The following ARHGEF5 variants were observed in gnomAD, a reference collection of about 807,000 sequenced individuals.
ARHGEF5 encodes Rho guanine nucleotide exchange factor 5.
ARHGEF5 carries 11 observed loss-of-function variants against 104.0 expected under a neutral mutation model. The observed-to-expected ratio is 0.11, with a 90% CI of 0.07 to 0.18. The LOEUF is 0.18. ARHGEF5 is among the 10% of genes least tolerant of loss of function. The pLI is 1.00. For missense variants in ARHGEF5, 165 were observed against 1,335.4 expected, an observed-to-expected ratio of 0.12 and a Z score of 13.66; for synonymous variants, 60 against 512.2, an observed-to-expected ratio of 0.12 and a Z score of 11.92.
At chr7:144,361,077 A>C (rs2053634911) in intron 1 of ARHGEF5, among the ~76,000 whole-genome samples, 1 of 143,254 alleles carries the variant, frequency 7.0e-6, no homozygotes, top group Non-Finnish European at 1.6e-5. Flanking sequence ...AAAGTACAAA[A>C]ATTAGCTGGG....
intron 13 of ARHGEF5, 123 bp from the exon 14 acceptor site, chr7:144,378,639 G>T: frequency 1.4e-6 from 1 of 738,566 alleles, no homozygotes; most frequent in South Asian, 1.9e-5. Flanking sequence ...TTTTGTCTGT[G>T]ACTTTCAACA....
At position 144,360,109 on chromosome 7, in the gene ARHGEF5, T is replaced by A. The variant is rs556782360; in HGVS notation, c.-12-2549T>A. ...TTTTATTTTAATTAATTAATTTATT[T>A]ATTTAGAGACAGAGTCTCACTCTGT... is the stretch of plus-strand genomic sequence containing the variant. On this transcript the variant is annotated intron_variant, in intron 1 of 14. Coordinates refer to ENST00000056217, the MANE Select transcript of ARHGEF5 (RefSeq NM_005435.4). Among the ~76,000 whole-genome samples the A allele has an allele frequency of 1.6e-4, 18 of 115,112 alleles. 1 individual carries two copies. Among genetic ancestry groups the A allele is most frequent in the African/African-American group, 5.3e-4 (16 of 30,280 alleles). 75.5% of individuals were successfully genotyped at this position (115,112 alleles called of 152,430 possible). A position where few individuals can be genotyped will look rare whatever the true frequency, so the allele number is the denominator to read the frequency against.
intron 13 of ARHGEF5, 71 bp from the exon 14 acceptor site, chr7:144,378,691 C>A (rs534989686): frequency 3.2e-5 from 43 of 1,332,464 alleles, no homozygotes; most frequent in East Asian, 2.2e-4. Context: ...ACGCCACCCC[C>A]CTCCAAGTCC....
intron 1 of ARHGEF5, among the ~76,000 whole-genome samples, chr7:144,360,530 G>C (rs1385137338): frequency 1.1e-5 from 1 of 91,980 alleles, no homozygotes; most frequent in African/African-American, 4.0e-5. Context: ...ATGTATGCAG[G>C]AAAACCTTAG....
rs2053790584 is a variant in ARHGEF5, at chr7:144,380,095, C to CTGCT, written c.*40_*43dup. 1 of 1,612,262 alleles carries CTGCT rather than the reference C, an allele frequency of 6.2e-7. No individual in the cohort carries two copies. The highest frequency in any genetic ancestry group is 1.3e-5 in the African/African-American group (1 of 74,912). ...GGAGTTTCGTGAGCTGAAGAACAAG[C>CTGCT]TGCTCATGGCAAGGGCTGGCCCCAG... On this transcript the variant is annotated 3_prime_UTR_variant, in exon 15 of 15. Coordinates refer to ENST00000056217, the MANE Select transcript of ARHGEF5 (RefSeq NM_005435.4).
chr7:144,378,973 G>A (rs913427220), intron 14 of ARHGEF5, 107 bp downstream of exon 14: 2 of 1,112,312 alleles, frequency 1.8e-6, no homozygotes, highest in African/African-American at 1.6e-5. Context: ...TGGACTGGGT[G>A]GCTTATGGCA....
chr7:144,378,811 T>G lies in ARHGEF5; in HGVS notation c.4581T>G (p.Asp1527Glu). 1 of 1,613,950 alleles carries G rather than the reference T, an allele frequency of 6.2e-7. No individual in the cohort carries two copies. The highest frequency in any genetic ancestry group is 1.1e-5 in the South Asian group (1 of 91,070). The change falls in exon 14 of 15, where the codon GAT (aspartate) becomes GAG (glutamate). Residue 1527 changes from aspartate to glutamate, a missense_variant. Physicochemically the swap from Asp to Glu is conservative, Grantham distance 45. Transcript: ENST00000056217. ...CLRAYKPREN[D>E]ELALEKADVV... ...GAGCCTACAAGCCCCGAGAGAATGATGAATTGGCACTGGAGAAAGCCGACG... is the reference window on the plus strand; with the variant it reads ...GAGCCTACAAGCCCCGAGAGAATGAGGAATTGGCACTGGAGAAAGCCGACG...
chr7:144,378,915 A>G, intron 14 of ARHGEF5, 49 bp downstream of exon 14: 2 of 1,544,030 alleles, frequency 1.3e-6, no homozygotes, highest in Non-Finnish European at 1.8e-6. Flanking sequence ...CAGGCAGGGC[A>G]GTGCTGGGAG....
At chr7:144,378,133 G>T (rs970658646) in intron 13 of ARHGEF5, among the ~76,000 whole-genome samples, 3 of 152,170 alleles carry the variant, frequency 2.0e-5, no homozygotes, top group South Asian at 4.1e-4. Context: ...CATGTCTCCT[G>T]GTTCTCAAAA....
At position 144,357,816 on chromosome 7, in the gene ARHGEF5, G is replaced by C. The variant is rs879608577; in HGVS notation, c.-13+2315G>C. Among the ~76,000 whole-genome samples the C allele has an allele frequency of 3.5e-5, 5 of 143,028 alleles. No individual in the cohort carries two copies. In the Admixed American group the frequency reaches 3.5e-4, roughly 10 times the overall value. 93.8% of individuals were successfully genotyped at this position (143,028 alleles called of 152,430 possible). A position where few individuals can be genotyped will look rare whatever the true frequency, so the allele number is the denominator to read the frequency against. On this transcript the variant is annotated intron_variant, in intron 1 of 14. Coordinates refer to ENST00000056217, the MANE Select transcript of ARHGEF5 (RefSeq NM_005435.4). ...TTGCCTCTCAAGAAGTCACACGTGG[G>C]TGAGGTTATGTGGATGCAGAATGTC...
intron 13 of ARHGEF5, among the ~76,000 whole-genome samples, chr7:144,378,555 T>C (rs1376542774): frequency 2.0e-5 from 3 of 152,224 alleles, no homozygotes; most frequent in Non-Finnish European, 4.4e-5. Context: ...CCGTCTCCTC[T>C]GGAGAAGTGG....
intron 1 of ARHGEF5, among the ~76,000 whole-genome samples, chr7:144,358,750 G>A (rs2053614276): frequency 4.4e-5 from 2 of 45,596 alleles, no homozygotes; most frequent in African/African-American, 1.6e-4. Flanking sequence ...AGTTTGTAAG[G>A]ATGGCTCAGT....
At chr7:144,357,133 A>G (rs1427638836) in intron 1 of ARHGEF5, among the ~76,000 whole-genome samples, 15 of 135,408 alleles carry the variant, frequency 1.1e-4, no homozygotes, top group African/African-American at 4.4e-4. Flanking sequence ...CCGATCACTT[A>G]TAGTGCCTGC....
At chr7:144,379,814 T>C in intron 14 of ARHGEF5, 85 bp from the exon 15 acceptor site, 1 of 1,550,860 alleles carries the variant, frequency 6.4e-7, no homozygotes. Flanking sequence ...GCCTGAGGAT[T>C]CAGAAAACTC....
At position 144,380,007 on chromosome 7, in the gene ARHGEF5, C is replaced by T. The variant is rs1333938354; in HGVS notation, c.4745C>T (p.Ala1582Val). 6.2e-7 allele frequency: 1 copy of T among 1,614,224 alleles called. No homozygotes were observed. Among genetic ancestry groups the T allele is most frequent in the Admixed American group, 1.7e-5 (1 of 60,026 alleles). Residue 1582 changes from alanine (A) to valine (V), a missense_variant, in exon 15 of 15, where the codon GCT becomes GTT. Ala to Val is a moderately conservative substitution (Grantham distance 64, BLOSUM62 0). Transcript: ENST00000056217. Reference protein sequence around the residue: ...PEVRAQNLKEAHRVKTAKLQL... With the variant: ...PEVRAQNLKEVHRVKTAKLQL... ...GTCCGTGCACAGAACCTGAAGGAAG[C>T]TCATCGAGTCAAGACTGCCAAACTA...
In ARHGEF5 at chr7:144,377,206, A is replaced by C. The variant is rs781628887; in HGVS notation, c.4531+16A>C. The stretch of plus-strand genomic sequence containing the variant: ...GAGTGTTACAGTGAGTGAGGGTCTA[A>C]GAGGGAGAGAAAAGAAAGCAGGGTC... On this transcript the variant is annotated intron_variant, in intron 13 of 14. Transcript: ENST00000056217. The C allele has an allele frequency of 6.4e-6, 9 of 1,411,050 alleles. No individual in the cohort carries two copies. Among genetic ancestry groups the C allele is most frequent in the South Asian group, 1.5e-5 (1 of 67,612 alleles). 87.4% of individuals were successfully genotyped at this position (1,411,050 alleles called of 1,614,324 possible). A position where few individuals can be genotyped will look rare whatever the true frequency, so the allele number is the denominator to read the frequency against.
At chr7:144,378,653 C>T in intron 13 of ARHGEF5, 109 bp from the exon 14 acceptor site, 1 of 849,944 alleles carries the variant, frequency 1.2e-6, no homozygotes, top group Non-Finnish European at 1.9e-6. Context: ...TTCAACAGCC[C>T]AAATCTGTCT....
At chr7:144,377,816 G>A (rs1200433611) in intron 13 of ARHGEF5, among the ~76,000 whole-genome samples, 1 of 152,156 alleles carries the variant, frequency 6.6e-6, no homozygotes, top group Non-Finnish European at 1.5e-5. Context: ...AAGGAACCCT[G>A]GGAATGAAGT....
chr7:144,380,275 A>G lies in ARHGEF5; in HGVS notation c.*219A>G, dbSNP rs900863687. The G allele has an allele frequency of 3.9e-6, 2 of 510,236 alleles. No individual in the cohort carries two copies. Among genetic ancestry groups the G allele is most frequent in the East Asian group, 3.3e-5 (1 of 30,638 alleles). 31.6% of individuals were successfully genotyped at this position (510,236 alleles called of 1,614,324 possible). A position where few individuals can be genotyped will look rare whatever the true frequency, so the allele number is the denominator to read the frequency against. On this transcript the variant is annotated 3_prime_UTR_variant, in exon 15 of 15. Coordinates refer to ENST00000056217, the MANE Select transcript of ARHGEF5 (RefSeq NM_005435.4). Reference sequence around the variant, plus strand: ...AGGGACTTTGCACTGGACTCTGGGAACCTTTCATCATTAAAAAAAGGGGGA... The same window carrying G: ...AGGGACTTTGCACTGGACTCTGGGAGCCTTTCATCATTAAAAAAAGGGGGA...
Sources: gnomAD v4.1 joint callset for allele counts (sites outside exome capture counted in the v4.1 genomes callset) on GRCh38, gnomAD v4.1.1 for gene constraint, MANE v1.5 for transcripts, NCBI Gene and HGNC (gene_info 2026-07-23, HGNC 2026-07-21) for gene names.